Variants in TYK2 observed in about 807,000 individuals in gnomAD.
TYK2 encodes tyrosine kinase 2, also known as non-receptor tyrosine-protein kinase TYK2.
A neutral mutation model predicts 130.9 loss-of-function variants in TYK2; 65 were observed. That is an observed-to-expected ratio of 0.50 (90% confidence interval 0.41 to 0.61). TYK2 has a LOEUF of 0.61. TYK2 is among the 20% of genes least tolerant of loss of function. The pLI is 0.00. For missense variants in TYK2, 1,378 were observed against 1,610.7 expected, an observed-to-expected ratio of 0.86 and a Z score of 2.47; for synonymous variants, 647 against 658.9, an observed-to-expected ratio of 0.98 and a Z score of 0.28.
chr19:10,368,437 GA>G lies in TYK2; in HGVS notation c.194-20del. On this transcript the variant is annotated intron_variant, in intron 3 of 24. Coordinates refer to ENST00000525621, the MANE Select transcript of TYK2 (RefSeq NM_003331.5). ...GTGATACCTGGATCAGGTGAGAAAC[GA>G]GGTCAGGAGTCACGTCATTTGCTAC... is the stretch of plus-strand genomic sequence containing the variant. The G allele has an allele frequency of 6.2e-7, 1 of 1,614,008 alleles. No homozygotes were observed. The highest frequency in any genetic ancestry group is 8.5e-7 in the Non-Finnish European group (1 of 1,179,980).
At chr19:10,378,066 GTGGGTGGA>G in intron 3 of TYK2, 140 bp downstream of exon 3, 3 of 770,100 alleles carry the variant, frequency 3.9e-6, no homozygotes, top group African/African-American at 1.9e-5. Context: ...GGGTGGATGG[GTGGGTGGA>G]TGGGTGGATG....
rs748020770 is a variant in TYK2 at position 10,368,217 on chromosome 19, G to GAAATAAA, written c.318-16_318-15insTTTATTT. On this transcript the variant is annotated splice_polypyrimidine_tract_variant and intron_variant, in intron 4 of 24. Transcript: ENST00000525621. Reference sequence around the variant, plus strand: ...GGAAATAAAACCTGCAGGAAGGAGGGACGCAGCTGGGGCTTAGCACAGAGT... The same window carrying GAAATAAA: ...GGAAATAAAACCTGCAGGAAGGAGGGAAATAAAACGCAGCTGGGGCTTAGCACAGAGT... 2.6e-5 allele frequency: 42 copies of GAAATAAA among 1,614,030 alleles called. No homozygotes were observed. Among genetic ancestry groups the GAAATAAA allele is most frequent in the Non-Finnish European group, 3.3e-5 (39 of 1,180,050 alleles).
intron 5 of TYK2, among the ~76,000 whole-genome samples, 179 bp from the exon 6 acceptor site, chr19:10,366,759 C>T (rs1225641021): frequency 2.0e-5 from 3 of 150,012 alleles, no homozygotes; most frequent in South Asian, 4.2e-4. Context: ...AAAAGAATAT[C>T]GCAAGCCGGG....
At chr19:10,357,461 T>C (rs757457010) in intron 17 of TYK2, 25 of 700,640 alleles carry the variant, frequency 3.6e-5, no homozygotes, top group Non-Finnish European at 5.7e-5. Flanking sequence ...GTGAGGCGCA[T>C]CCTCAGCCCT....
rs762179978 is a variant in TYK2, at chr19:10,353,663, C to T, written c.2909-17G>A. ...ACTTCTCGCCTGCCGCGGAGAGGGGCGGCCCCGGTGGGGGACGATAGAGGG... is the reference window on the plus strand; with the variant it reads ...ACTTCTCGCCTGCCGCGGAGAGGGGTGGCCCCGGTGGGGGACGATAGAGGG... On this transcript the variant is annotated splice_polypyrimidine_tract_variant and intron_variant, in intron 20 of 24. Coordinates refer to ENST00000525621, the MANE Select transcript of TYK2 (RefSeq NM_003331.5). This position sits in a 1 kb window ranked among gnomAD's most constrained non-coding sequence, Gnocchi z 6.9. 1 of 1,464,638 alleles carries T rather than the reference C, an allele frequency of 6.8e-7. No homozygotes were observed. 90.7% of individuals were successfully genotyped at this position (1,464,638 alleles called of 1,614,324 possible).
intron 22 of TYK2, 69 bp downstream of exon 22, chr19:10,352,857 T>A: frequency 6.6e-7 from 1 of 1,506,642 alleles, no homozygotes; most frequent in Non-Finnish European, 8.9e-7. Context: ...ATACCCAGCA[T>A]CCGTCTACTC....
rs373625747 is a variant in TYK2 at position 10,364,787 on chromosome 19, G to A, written c.1210-16C>T. The A allele has an allele frequency of 2.5e-5, 40 of 1,613,812 alleles. No individual in the cohort carries two copies. Among genetic ancestry groups the A allele is most frequent in the Non-Finnish European group, 2.7e-5 (32 of 1,180,042 alleles). ...AGCTCAGCTCCTGCCAGCCAGGGGCGCATCAGGTGGGTGTCCTCCCAGGCC... is the reference window on the plus strand; with the variant it reads ...AGCTCAGCTCCTGCCAGCCAGGGGCACATCAGGTGGGTGTCCTCCCAGGCC... On this transcript the variant is annotated splice_polypyrimidine_tract_variant and intron_variant, in intron 8 of 24. Coordinates refer to ENST00000525621, the MANE Select transcript of TYK2 (RefSeq NM_003331.5). This position sits in a 1 kb window ranked among gnomAD's most constrained non-coding sequence, Gnocchi z 4.9.
chr19:10,366,589 A>G lies in TYK2; in HGVS notation c.466-9T>C. The stretch of plus-strand genomic sequence containing the variant: ...ACAAACTCATGCTTGCCCTGGGAAC[A>G]GGAAATTGAGCAGAAAGGGAGGTGT... On this transcript the variant is annotated splice_polypyrimidine_tract_variant and intron_variant, in intron 5 of 24. Transcript: ENST00000525621. The G allele has an allele frequency of 1.9e-6, 3 of 1,614,106 alleles. No individual in the cohort carries two copies. The highest frequency in any genetic ancestry group is 1.3e-5 in the African/African-American group (1 of 75,036).
In TYK2 at chr19:10,362,101, C is replaced by G. The variant is rs1245130080; in HGVS notation, c.1750G>C (p.Val584Leu). 2 of 1,614,138 alleles carry G rather than the reference C, an allele frequency of 1.2e-6. No homozygotes were observed. The highest frequency in any genetic ancestry group is 1.7e-6 in the Non-Finnish European group (2 of 1,180,030). ...LNLSQLSFHR[V>L]DQKEITQLSH... ...ACCTGGGTGATCTCCTTCTGGTCAA[C>G]CCGGTGGAAGCTGAGCTGGCTGAGG... The change falls in exon 12 of 25, where the codon GTT becomes CTT. Residue 584 changes from valine (V) to leucine (L), a missense_variant. Coordinates refer to ENST00000525621, the MANE Select transcript of TYK2 (RefSeq NM_003331.5).
chr19:10,356,839 T>A, intron 17 of TYK2, 121 bp from the exon 18 acceptor site: 1 of 1,054,886 alleles, frequency 9.5e-7, no homozygotes, highest in Non-Finnish European at 1.4e-6. Context: ...AGTTCCATTA[T>A]ACAGATGAGG....
chr19:10,375,760 CA>C (rs775310496), intron 3 of TYK2, among the ~76,000 whole-genome samples: 2,100 of 109,214 alleles, frequency 0.019, 32 homozygotes, highest in African/African-American at 0.053. Context: ...ACTAAAAATA[CA>C]AAAAAAAAAA....
intron 3 of TYK2, 146 bp from the exon 4 acceptor site, chr19:10,368,564 G>T: frequency 8.5e-7 from 1 of 1,181,562 alleles, no homozygotes; most frequent in Non-Finnish European, 1.2e-6. Flanking sequence ...CCCCTGGGCA[G>T]AGGACAGTGC....
chr19:10,363,187 C>CTT (rs942594471), intron 9 of TYK2, among the ~76,000 whole-genome samples: 131 of 127,664 alleles, frequency 1.0e-3, no homozygotes, highest in Admixed American at 1.8e-3. Flanking sequence ...CCTGATCTCT[C>CTT]TTTTTTTTTT....
chr19:10,372,474 ATATATATATAT>A (rs2041950795), intron 3 of TYK2, among the ~76,000 whole-genome samples: 1 of 61,500 alleles, frequency 1.6e-5, no homozygotes, highest in South Asian at 5.1e-4. Context: ...ATATATATAT[ATATATATATAT>A]TTTTTTTTTT....
chr19:10,378,561 C>A lies in TYK2; in HGVS notation c.-20-135G>T, dbSNP rs142844110. 142 of 692,510 alleles carry A rather than the reference C, an allele frequency of 2.1e-4. 2 individuals carry two copies. The East Asian group carries it at 3.9e-3, about 19-fold the overall frequency. 42.9% of individuals were successfully genotyped at this position (692,510 alleles called of 1,614,324 possible). Reference sequence around the variant, plus strand: ...CCATCTTGGCATGACATTAGAGACCCGATTCCCTCTCTGAGTCTCGTTTTC... The same window carrying A: ...CCATCTTGGCATGACATTAGAGACCAGATTCCCTCTCTGAGTCTCGTTTTC... On this transcript the variant is annotated intron_variant, in intron 2 of 24. Coordinates refer to ENST00000525621, the MANE Select transcript of TYK2 (RefSeq NM_003331.5).
chr19:10,355,193 G>A (rs1331526845), intron 18 of TYK2, among the ~76,000 whole-genome samples: 6 of 152,082 alleles, frequency 3.9e-5, no homozygotes, highest in Non-Finnish European at 5.9e-5. Flanking sequence ...TTGGGAGGCC[G>A]AGGCAGGAGG....
At chr19:10,376,904 ACTTT>A (rs2042140854) in intron 3 of TYK2, among the ~76,000 whole-genome samples, 1 of 149,136 alleles carries the variant, frequency 6.7e-6, no homozygotes, top group South Asian at 2.1e-4. Flanking sequence ...GCCCGGCCTG[ACTTT>A]CTTTTTTTAA....
chr19:10,377,120 G>A (rs1400205270), intron 3 of TYK2, among the ~76,000 whole-genome samples: 1 of 152,098 alleles, frequency 6.6e-6, no homozygotes, highest in African/African-American at 2.4e-5. Context: ...GCCCAGGCTG[G>A]TCTCCAACTA....
intron 19 of TYK2, 76 bp from the exon 20 acceptor site, chr19:10,354,310 C>T: frequency 6.4e-7 from 1 of 1,555,368 alleles, no homozygotes; most frequent in Non-Finnish European, 8.8e-7. Context: ...TTTCCCGGGC[C>T]ACTCCTCCAG....
Sources: allele counts gnomAD v4.1 joint callset (sites outside exome capture counted in the v4.1 genomes callset), GRCh38; gene constraint gnomAD v4.1.1; non-coding constraint Gnocchi (gnomAD v3.1); transcripts MANE v1.5; gene names NCBI Gene and HGNC (gene_info 2026-07-23, HGNC 2026-07-21).